Variants in ARHGAP23 observed in about 807,000 individuals in gnomAD.
The protein encoded by ARHGAP23 is rho GTPase-activating protein 23.
In ARHGAP23, 34 loss-of-function variants were observed where a neutral mutation model predicts 136.3. That is an observed-to-expected ratio of 0.25 (90% CI 0.19 to 0.33). The LOEUF is 0.33. Among genes scored for constraint, ARHGAP23 ranks in the 10% least tolerant of loss-of-function variants. The pLI is 1.00. For synonymous variants in ARHGAP23, 832 were observed against 920.5 expected (o/e 0.90, Z 1.74); for missense variants, 1,808 against 2,139.0 (o/e 0.85, Z 3.05).
rs2039935602 is a variant in ARHGAP23 at position 38,477,892 on chromosome 17, G to T, written c.2432G>T (p.Gly811Val). 2 of 1,547,866 alleles carry T rather than the reference G, an allele frequency of 1.3e-6. No homozygotes were observed. The highest frequency in any genetic ancestry group is 1.4e-5 in the African/African-American group (1 of 73,044). The change falls in exon 12 of 24, where the codon GGC (glycine) becomes GTC (valine). Residue 811 changes from glycine (G) to valine (V), a missense_variant. By Grantham distance (109) the Gly-to-Val change is moderately radical (BLOSUM62 -3). Transcript: ENST00000622683. This position sits in a 1 kb window ranked among gnomAD's most constrained non-coding sequence, Gnocchi z 6.6. ...ATCCGGGAGAACAGCAGGGCCGAGG[G>T]CGAGGTGAGGGCCCGGCCAGCCCGG... Reference protein sequence around the residue: ...RAIRENSRAEGEDPGCANQAL... With the variant: ...RAIRENSRAEVEDPGCANQAL...
chr17:38,499,248 C>T (rs191704787), intron 22 of ARHGAP23, among the ~76,000 whole-genome samples: 3 of 152,346 alleles, frequency 2.0e-5, no homozygotes, highest in Admixed American at 6.5e-5. Context: ...CTCTCTTTGC[C>T]GAGTCTCACC....
At chr17:38,458,646 C>T (rs940089241) in intron 2 of ARHGAP23, among the ~76,000 whole-genome samples, 5 of 152,168 alleles carry the variant, frequency 3.3e-5, no homozygotes, top group Non-Finnish European at 7.4e-5. Flanking sequence ...CCTGATCTAC[C>T]GGCTGCTTCT....
chr17:38,424,046 C>G (rs2038545925), upstream of ARHGAP23, among the ~76,000 whole-genome samples: 1 of 152,182 alleles, frequency 6.6e-6, no homozygotes, highest in Non-Finnish European at 1.5e-5. Context: ...AACTGAGGTT[C>G]TGAGAATATA....
chr17:38,500,774 C>T, intron 23 of ARHGAP23, 146 bp downstream of exon 23: 1 of 746,504 alleles, frequency 1.3e-6, no homozygotes, highest in Non-Finnish European at 2.3e-6. Flanking sequence ...ACCGAGTGCC[C>T]AAGGTAAGCT....
intron 11 of ARHGAP23, among the ~76,000 whole-genome samples, chr17:38,474,335 C>A (rs1291173104): frequency 2.9e-4 from 44 of 152,134 alleles, no homozygotes; most frequent in Admixed American, 2.7e-3. Context: ...GGGCCCTGAC[C>A]CAAGGCAGTG....
chr17:38,447,455 A>AAAAAAAAAAAAAAAAAAAC, intron 1 of ARHGAP23, among the ~76,000 whole-genome samples: 1 of 150,892 alleles, frequency 6.6e-6, no homozygotes, highest in Non-Finnish European at 1.5e-5. Flanking sequence ...AAAAAAAAAA[A>AAAAAAAAAAAAAAAAAAAC]AAAAAAAAAA....
At chr17:38,445,784 G>A (rs1380779448) in intron 1 of ARHGAP23, among the ~76,000 whole-genome samples, 1 of 151,866 alleles carries the variant, frequency 6.6e-6, no homozygotes, top group Non-Finnish European at 1.5e-5. Context: ...ATAGGTGCAT[G>A]CTACCACGCT....
chr17:38,504,117 C>T (rs891273090), intron 23 of ARHGAP23, among the ~76,000 whole-genome samples: 3 of 152,130 alleles, frequency 2.0e-5, no homozygotes, highest in African/African-American at 7.2e-5. Flanking sequence ...GGTTGGTGCT[C>T]TGGTATCTGA....
chr17:38,493,194 C>CT lies in ARHGAP23; in HGVS notation c.3276+1671dup, dbSNP rs60372950. Among the ~76,000 whole-genome samples, 1,272 of 133,136 alleles carry CT rather than the reference C, an allele frequency of 9.6e-3. 17 individuals are homozygous for CT. The highest frequency in any genetic ancestry group is 0.055 in the East Asian group (225 of 4,070). The allele number at this position is 133,136 out of a possible 152,430, so 87.3% of individuals were successfully genotyped here. On this transcript the variant is annotated intron_variant, in intron 20 of 23. Coordinates refer to ENST00000622683, the MANE Select transcript of ARHGAP23 (RefSeq NM_001199417.2). ...TTCTCTTTCTCTCTCTCTCTTTTCG[C>CT]TTTTTTTTTGTTTTTTTGTTTTTTT...
chr17:38,476,832 C>T (rs1340085476), intron 11 of ARHGAP23, among the ~76,000 whole-genome samples: 1 of 152,194 alleles, frequency 6.6e-6, no homozygotes, highest in African/African-American at 2.4e-5. Context: ...CCATAGCACA[C>T]CCTCCAGCTC....
intron 1 of ARHGAP23, among the ~76,000 whole-genome samples, chr17:38,423,338 A>G (rs1255905893): frequency 6.7e-6 from 1 of 150,356 alleles, no homozygotes; most frequent in Non-Finnish European, 1.5e-5. Context: ...GACTACAGGC[A>G]CGTGCCACCA....
In ARHGAP23 at chr17:38,510,324, C is replaced by T. The variant is rs1252136981; in HGVS notation, c.3828C>T (p.Asp1276=). The T allele has an allele frequency of 7.9e-7, 1 of 1,261,538 alleles. No individual in the cohort carries two copies. Among genetic ancestry groups the T allele is most frequent in the Non-Finnish European group, 1.0e-6 (1 of 1,004,582 alleles). The allele number at this position is 1,261,538 out of a possible 1,614,324, so 78.1% of individuals were successfully genotyped here. The stretch of plus-strand genomic sequence containing the variant: ...GGGCAGGGGCGGGGGATGAGGCGGA[C>T]GACGAGCGTAGCGAGCTGAGCCACG... ...GRRAGAGDEA[D]DERSELSHVE... Residue 1276 remains aspartate, a synonymous_variant, in exon 24 of 24, where the codon GAC becomes GAT. Transcript: ENST00000622683. The surrounding 1 kb of genome is among the most constrained non-coding windows in gnomAD (Gnocchi z 4.6).
At chr17:38,506,026 A>G (rs548007319) in intron 23 of ARHGAP23, among the ~76,000 whole-genome samples, 6 of 152,338 alleles carry the variant, frequency 3.9e-5, no homozygotes, top group African/African-American at 1.4e-4. Context: ...GGACCCCCAA[A>G]GCCAACCCAG....
Position 38,497,819 on chromosome 17 carries a change from G to C in ARHGAP23, c.3311G>C (p.Gly1104Ala). Reference protein sequence around the residue: ...DWFFSDEEDKGERTPVGDKEP... With the variant: ...DWFFSDEEDKAERTPVGDKEP... ...TTCTTCAGTGACGAAGAGGACAAGG[G>C]AGAGAGAGTAAGTGATGCCGCGGGC... The change falls in exon 21 of 24, where the codon GGA (glycine) becomes GCA (alanine). Residue 1104 changes from glycine (G) to alanine (A), a missense_variant. Physicochemically the swap from Gly to Ala is moderately conservative, Grantham distance 60. This residue lies in a region of ARHGAP23 where 104 missense variants were observed against 131.8 expected (regional missense o/e 0.79). Coordinates refer to ENST00000622683, the MANE Select transcript of ARHGAP23 (RefSeq NM_001199417.2). 1.3e-6 allele frequency: 2 copies of C among 1,551,338 alleles called. No homozygotes were observed. Among genetic ancestry groups the C allele is most frequent in the Non-Finnish European group, 1.7e-6 (2 of 1,146,856 alleles).
intron 20 of ARHGAP23, 55 bp downstream of exon 20, chr17:38,491,587 C>G: frequency 6.5e-7 from 1 of 1,546,040 alleles, no homozygotes; most frequent in South Asian, 1.2e-5. Flanking sequence ...GGCCATGTTC[C>G]TCTGAGCCCC....
intron 12 of ARHGAP23, 111 bp downstream of exon 12, chr17:38,478,007 G>A: frequency 8.4e-7 from 1 of 1,183,462 alleles, no homozygotes; most frequent in South Asian, 1.4e-5. Flanking sequence ...TAGAAAGGGG[G>A]GCTGACAGGA....
rs908651693 is a variant in ARHGAP23, at chr17:38,511,205, G to A, written c.*233G>A. On this transcript the variant is annotated 3_prime_UTR_variant, in exon 24 of 24. Coordinates refer to ENST00000622683, the MANE Select transcript of ARHGAP23 (RefSeq NM_001199417.2). Reference sequence around the variant, plus strand: ...CCAGAGGTGATGAGCAGAAGAGGAGGGGGCGTGGGCTGCTGGGGTCTGTGT... The same window carrying A: ...CCAGAGGTGATGAGCAGAAGAGGAGAGGGCGTGGGCTGCTGGGGTCTGTGT... 8.1e-6 allele frequency: 4 copies of A among 495,976 alleles called. No homozygotes were observed. The highest frequency in any genetic ancestry group is 2.0e-5 in the African/African-American group (1 of 48,986). The allele number at this position is 495,976 out of a possible 1,614,324, so 30.7% of individuals were successfully genotyped here.
At chr17:38,473,531 C>T (rs900174506) in intron 11 of ARHGAP23, among the ~76,000 whole-genome samples, 3 of 152,298 alleles carry the variant, frequency 2.0e-5, no homozygotes, top group Non-Finnish European at 2.9e-5. Flanking sequence ...CCGCCCTGCT[C>T]GGGAGCCTCC....
chr17:38,478,624 TG>T (rs2039957730), intron 12 of ARHGAP23, among the ~76,000 whole-genome samples: 1 of 152,080 alleles, frequency 6.6e-6, no homozygotes, highest in South Asian at 2.1e-4. Context: ...TTAGCCAGGA[TG>T]GTCTTGATCT....
Sources: allele counts gnomAD v4.1 joint callset (sites outside exome capture counted in the v4.1 genomes callset), GRCh38; gene constraint gnomAD v4.1.1; regional missense constraint gnomAD v4.1.1; non-coding constraint Gnocchi (gnomAD v3.1); transcripts MANE v1.5; gene names NCBI Gene and HGNC (gene_info 2026-07-23, HGNC 2026-07-21).